MS4A18: variants seen among roughly 807,000 people sequenced by gnomAD.
MS4A18 encodes membrane-spanning 4-domains subfamily A member 18.
In MS4A18, 27 loss-of-function variants were observed where a neutral mutation model predicts 13.1. That is an observed-to-expected ratio of 2.06 (90% CI 1.52 to 2.84). The LOEUF (loss-of-function observed/expected upper bound fraction) is 2.84. Among genes scored for constraint, MS4A18 ranks in the 30% most tolerant of loss-of-function variants. The pLI is 0.00. For synonymous variants in MS4A18, 126 were observed against 76.5 expected (o/e 1.65, Z -3.38); for missense variants, 307 against 196.4 (o/e 1.56, Z -3.37).
intron 1 of MS4A18, among the ~76,000 whole-genome samples, chr11:60,730,891 G>A (rs577792341): frequency 2.6e-5 from 4 of 152,168 alleles, no homozygotes; most frequent in East Asian, 1.9e-4. Context: ...TCAGGAAATC[G>A]AGACCATCCT....
intron 1 of MS4A18, among the ~76,000 whole-genome samples, chr11:60,733,104 T>A (rs1431616783): frequency 6.6e-6 from 1 of 152,218 alleles, no homozygotes; most frequent in Non-Finnish European, 1.5e-5. Flanking sequence ...ACATTTTTGG[T>A]TTCCCTGCAA....
At chr11:60,738,134 C>T (rs965700216) in intron 3 of MS4A18, among the ~76,000 whole-genome samples, 2 of 152,230 alleles carry the variant, frequency 1.3e-5, no homozygotes, top group South Asian at 4.1e-4. Context: ...CTGGCCTCAG[C>T]CCAAATGTAG....
chr11:60,732,670 G>GCCTCC (rs1211347718), intron 1 of MS4A18, among the ~76,000 whole-genome samples: 1 of 148,566 alleles, frequency 6.7e-6, no homozygotes, highest in Admixed American at 6.9e-5. Context: ...GGCACAGCTT[G>GCCTCC]CAGTGAGCCA....
rs1853313993 is a variant in MS4A18 at position 60,735,025 on chromosome 11, T to C, written c.591+1378T>C. 1.3e-5 allele frequency among the ~76,000 whole-genome samples: 2 copies of C among 152,016 alleles called. 1 individual carries two copies. The highest frequency in any genetic ancestry group is 4.1e-4 in the South Asian group (2 of 4,822). ...CTCGAACTCCTGACCTCAGGTGATC[T>C]GCCCCCCTTGGCTTCCTAAAGCGCT... is the stretch of plus-strand genomic sequence containing the variant. On this transcript the variant is annotated intron_variant, in intron 2 of 5. Coordinates refer to ENST00000529108, the Ensembl canonical transcript of MS4A18.
chr11:60,742,972 A>T (rs1853430569), intron 5 of MS4A18, among the ~76,000 whole-genome samples: 1 of 152,236 alleles, frequency 6.6e-6, no homozygotes, highest in South Asian at 2.1e-4. Context: ...TCATTTCTCC[A>T]GTCTGCTGTG....
At chr11:60,734,784 C>CTTTTTT (rs546950110) in intron 2 of MS4A18, among the ~76,000 whole-genome samples, 1 of 138,844 alleles carries the variant, frequency 7.2e-6, no homozygotes, top group Non-Finnish European at 1.6e-5. Flanking sequence ...CTTTTCTTTT[C>CTTTTTT]TTTTTTTTTT....
intron 5 of MS4A18, among the ~76,000 whole-genome samples, chr11:60,742,122 T>C (rs1157616563): frequency 6.6e-6 from 1 of 152,208 alleles, no homozygotes; most frequent in Non-Finnish European, 1.5e-5. Context: ...AATTTGACTC[T>C]CTGGAAGACT....
At chr11:60,730,944 A>C (rs1046319184) in intron 1 of MS4A18, among the ~76,000 whole-genome samples, 1 of 152,172 alleles carries the variant, frequency 6.6e-6, no homozygotes, top group Non-Finnish European at 1.5e-5. Context: ...AATACAAAAA[A>C]TTAGCCAGGT....
chr11:60,735,474 C>T (rs2134677712), intron 2 of MS4A18, among the ~76,000 whole-genome samples: 1 of 149,608 alleles, frequency 6.7e-6, no homozygotes, highest in South Asian at 2.1e-4. Flanking sequence ...GCTGGGACTA[C>T]AGGCGCCTGC....
intron 2 of MS4A18, among the ~76,000 whole-genome samples, chr11:60,733,936 T>C (rs1853296477): frequency 6.6e-6 from 1 of 151,932 alleles, no homozygotes; most frequent in African/African-American, 2.4e-5. Context: ...CTCTGGGTTC[T>C]CTTTTATGAG....
At chr11:60,742,198 C>T (rs1853421788) in intron 5 of MS4A18, among the ~76,000 whole-genome samples, 1 of 152,198 alleles carries the variant, frequency 6.6e-6, no homozygotes, top group South Asian at 2.1e-4. Flanking sequence ...TTTCCAGGAC[C>T]TTGACTCCAC....
intron 4 of MS4A18, among the ~76,000 whole-genome samples, chr11:60,739,800 A>C (rs1213080979): frequency 1.3e-5 from 2 of 152,246 alleles, no homozygotes; most frequent in Non-Finnish European, 1.5e-5. Context: ...GAAGGACATC[A>C]GTAACATTGA....
intron 1 of MS4A18, among the ~76,000 whole-genome samples, chr11:60,731,288 A>T (rs542447857): frequency 6.6e-6 from 1 of 152,208 alleles, no homozygotes; most frequent in Non-Finnish European, 1.5e-5. Context: ...CAATTATTCT[A>T]AGATATTTTG....
exon 1 of MS4A18, chr11:60,729,379 G>A (rs1341280023): frequency 1.9e-5 from 13 of 702,658 alleles, no homozygotes; most frequent in East Asian, 5.4e-5. Flanking sequence ...TAATGTTCAC[G>A]TCATCCAGCC....
rs945882030 is a variant in MS4A18 at position 60,733,642 on chromosome 11, T to C, written c.586T>C (p.Leu196=). 4 of 703,458 alleles carry C rather than the reference T, an allele frequency of 5.7e-6. No homozygotes were observed. The African/African-American group carries it at 7.0e-5, about 12-fold the overall frequency. 43.6% of individuals were successfully genotyped at this position (703,458 alleles called of 1,614,324 possible). Reference sequence around the variant, plus strand: ...GTCAGGGTACCCGCTCTGGGGAGGATTATCCGTGAGTACAAGGCCATATGG... The same window carrying C: ...GTCAGGGTACCCGCTCTGGGGAGGACTATCCGTGAGTACAAGGCCATATGG... Residue 196 remains leucine (L), a synonymous_variant, in exon 2 of 6, where the codon TTA becomes CTA. Coordinates refer to ENST00000529108, the Ensembl canonical transcript of MS4A18.
In MS4A18 at chr11:60,743,973, G is replaced by A. The variant is rs778374079; in HGVS notation, c.1182G>A (p.Pro394=). 87 of 702,456 alleles carry A rather than the reference G, an allele frequency of 1.2e-4. 1 individual carries two copies. Among genetic ancestry groups the A allele is most frequent in the South Asian group, 8.3e-4 (56 of 67,534 alleles). The allele number at this position is 702,456 out of a possible 1,614,324, so 43.5% of individuals were successfully genotyped here. A position where few individuals can be genotyped will look rare whatever the true frequency, so the allele number is the denominator to read the frequency against. ...CTATCCACACCAGCAATGTACCCCCGAACCCTCGTACCAAGAAATAGCTGA... is the reference window on the plus strand; with the variant it reads ...CTATCCACACCAGCAATGTACCCCCAAACCCTCGTACCAAGAAATAGCTGA... The change falls in exon 6 of 6, where the codon CCG becomes CCA. Residue 394 remains proline (P), a synonymous_variant. Transcript: ENST00000529108.
At chr11:60,737,596 C>T (rs1853360442) in intron 3 of MS4A18, among the ~76,000 whole-genome samples, 1 of 152,186 alleles carries the variant, frequency 6.6e-6, no homozygotes. Context: ...ACCTTTGGGG[C>T]ATTTATTCTC....
chr11:60,729,615 C>T (rs1451420520), exon 1 of MS4A18: 1 of 702,786 alleles, frequency 1.4e-6, no homozygotes, highest in Non-Finnish European at 2.6e-6. Flanking sequence ...TGATCCAATA[C>T]ACACAGGGAA....
chr11:60,741,072 C>G, exon 5 of MS4A18: 1 of 703,044 alleles, frequency 1.4e-6, no homozygotes, highest in Non-Finnish European at 2.6e-6. Context: ...CCCCTTTGCC[C>G]TCCTGGAGTT....
Sources: allele counts gnomAD v4.1 joint callset (sites outside exome capture counted in the v4.1 genomes callset), GRCh38; gene constraint gnomAD v4.1.1; transcripts MANE v1.5; gene names NCBI Gene and HGNC (gene_info 2026-07-23, HGNC 2026-07-21).